FAM227B: variants seen among roughly 807,000 people sequenced by gnomAD.
FAM227B encodes protein FAM227B.
FAM227B carries 88 observed loss-of-function variants against 73.8 expected under a neutral mutation model. That is an observed-to-expected ratio of 1.19 (90% CI 1.00 to 1.42). The LOEUF is 1.42. Ranked by LOEUF, FAM227B falls within the 40% of genes most tolerant of loss-of-function variation. The pLI is 0.00. For missense variants in FAM227B, 632 were observed against 590.9 expected (o/e 1.07, Z -0.72); for synonymous variants, 210 against 190.5 (o/e 1.10, Z -0.84).
rs768789510 is a variant in FAM227B at position 49,328,019 on chromosome 15, C to A, written c.*549G>T. On this transcript the variant is annotated 3_prime_UTR_variant, in exon 16 of 16. Transcript: ENST00000299338. ...GGGAGGCTGCACAGTATCAATGGTA[C>A]CTGCGGACAAGCTGCCCAGCTTTCT... 1 of 1,613,900 alleles carries A rather than the reference C, an allele frequency of 6.2e-7. No individual in the cohort carries two copies. The highest frequency in any genetic ancestry group is 2.2e-5 in the East Asian group (1 of 44,880).
intron 10 of FAM227B, among the ~76,000 whole-genome samples, chr15:49,540,589 C>T (rs2070930727): frequency 6.6e-6 from 1 of 152,084 alleles, no homozygotes; most frequent in Non-Finnish European, 1.5e-5. Flanking sequence ...ATAAGGACAC[C>T]AATCATATTG....
At chr15:49,610,798 A>G (rs1228094984) in intron 3 of FAM227B, among the ~76,000 whole-genome samples, 1 of 152,186 alleles carries the variant, frequency 6.6e-6, no homozygotes, top group Non-Finnish European at 1.5e-5. Flanking sequence ...TTTAACATGA[A>G]AACACATTTT....
At chr15:49,536,340 CTATT>C (rs2070265834) in intron 10 of FAM227B, among the ~76,000 whole-genome samples, 1 of 151,734 alleles carries the variant, frequency 6.6e-6, no homozygotes, top group African/African-American at 2.4e-5. Flanking sequence ...TCAAAAATAA[CTATT>C]TAAGAATAAA....
At chr15:49,501,282 T>C (rs1010760426) in intron 11 of FAM227B, among the ~76,000 whole-genome samples, 5 of 152,172 alleles carry the variant, frequency 3.3e-5, no homozygotes, top group African/African-American at 1.2e-4. Flanking sequence ...ACTAGTTAAA[T>C]GGTTGTGGTC....
At chr15:49,408,293 T>C (rs1437483616) in intron 11 of FAM227B, among the ~76,000 whole-genome samples, 2 of 152,238 alleles carry the variant, frequency 1.3e-5, no homozygotes, top group African/African-American at 4.8e-5. Flanking sequence ...AATGATATAA[T>C]CTGATGCCAA....
intron 11 of FAM227B, among the ~76,000 whole-genome samples, chr15:49,495,886 C>T (rs1385263692): frequency 1.3e-5 from 2 of 151,878 alleles, no homozygotes; most frequent in African/African-American, 2.4e-5. Flanking sequence ...AGCTGAGTGT[C>T]GTGGTGCATG....
At chr15:49,586,458 C>G (rs1454928315) in intron 5 of FAM227B, among the ~76,000 whole-genome samples, 1 of 152,094 alleles carries the variant, frequency 6.6e-6, no homozygotes, top group Admixed American at 6.6e-5. Flanking sequence ...CTAGGTAATA[C>G]CATTCTGGAC....
intron 3 of FAM227B, among the ~76,000 whole-genome samples, chr15:49,609,761 T>C (rs2077763503): frequency 1.3e-5 from 2 of 151,960 alleles, no homozygotes; most frequent in African/African-American, 4.8e-5. Flanking sequence ...TATCCAATAG[T>C]TTGGCAATGT....
intron 12 of FAM227B, among the ~76,000 whole-genome samples, chr15:49,369,892 GT>G (rs2045694135): frequency 6.6e-6 from 1 of 152,132 alleles, no homozygotes; most frequent in African/African-American, 2.4e-5. Context: ...CTTATAAATA[GT>G]TTGGCCATTG....
At chr15:49,511,530 T>C (rs768547243) in intron 10 of FAM227B, among the ~76,000 whole-genome samples, 2 of 152,096 alleles carry the variant, frequency 1.3e-5, no homozygotes, top group Non-Finnish European at 1.5e-5. Context: ...ACGTGTACTA[T>C]GATGATTTGC....
intron 10 of FAM227B, among the ~76,000 whole-genome samples, chr15:49,535,968 A>G (rs2152247975): frequency 6.6e-6 from 1 of 151,712 alleles, no homozygotes; most frequent in South Asian, 2.1e-4. Context: ...ATCAATTGGA[A>G]AAACCAGAAC....
chr15:49,434,820 GA>G (rs1235386629), intron 11 of FAM227B, among the ~76,000 whole-genome samples: 1 of 151,188 alleles, frequency 6.6e-6, no homozygotes, highest in South Asian at 2.1e-4. Context: ...TCTGGCAAGG[GA>G]AAACATCAAT....
intron 11 of FAM227B, among the ~76,000 whole-genome samples, chr15:49,476,658 C>T (rs542248671): frequency 2.3e-4 from 35 of 152,108 alleles, no homozygotes; most frequent in East Asian, 1.5e-3. Flanking sequence ...TGTAAAATGT[C>T]GGTACAAATA....
At chr15:49,458,825 G>A (rs970022200) in intron 11 of FAM227B, among the ~76,000 whole-genome samples, 2 of 152,078 alleles carry the variant, frequency 1.3e-5, no homozygotes, top group Admixed American at 6.6e-5. Flanking sequence ...TCTTGCAGAT[G>A]AATTCAAAGT....
intron 13 of FAM227B, among the ~76,000 whole-genome samples, chr15:49,354,966 C>T (rs1277940256): frequency 6.6e-6 from 1 of 151,956 alleles, no homozygotes; most frequent in Non-Finnish European, 1.5e-5. Context: ...GGAGGCACCC[C>T]CCAGCAGGGG....
chr15:49,340,536 G>A (rs1342773924), intron 13 of FAM227B, among the ~76,000 whole-genome samples: 3 of 151,996 alleles, frequency 2.0e-5, no homozygotes, highest in African/African-American at 7.3e-5. Context: ...CAATCTTGCT[G>A]GAAGCTGCAG....
At chr15:49,455,854 C>A (rs981678305) in intron 11 of FAM227B, among the ~76,000 whole-genome samples, 1 of 151,718 alleles carries the variant, frequency 6.6e-6, no homozygotes, top group East Asian at 1.9e-4. Flanking sequence ...TGGCTTTTTT[C>A]TTTTTTTTCT....
intron 9 of FAM227B, among the ~76,000 whole-genome samples, chr15:49,566,794 C>A (rs556074173): frequency 2.0e-5 from 3 of 152,258 alleles, no homozygotes; most frequent in African/African-American, 7.2e-5. Context: ...TCAAATGAGG[C>A]TTTGCAACTT....
At chr15:49,463,980 G>A (rs1162090612) in intron 11 of FAM227B, among the ~76,000 whole-genome samples, 1 of 152,120 alleles carries the variant, frequency 6.6e-6, no homozygotes, top group Non-Finnish European at 1.5e-5. Flanking sequence ...GGATAAAGCT[G>A]ATCTTTTTCA....
Sources: gnomAD v4.1 joint callset for allele counts (sites outside exome capture counted in the v4.1 genomes callset) on GRCh38, gnomAD v4.1.1 for gene constraint, MANE v1.5 for transcripts, NCBI Gene and HGNC (gene_info 2026-07-23, HGNC 2026-07-21) for gene names.